The following DTWD1 variants were observed in gnomAD, a reference collection of about 807,000 sequenced individuals.
The protein encoded by DTWD1 is DTW motif tRNA-uridine aminocarboxypropyltransferase 1, also known as tRNA-uridine aminocarboxypropyltransferase 1.
A neutral mutation model predicts 30.2 loss-of-function variants in DTWD1; 27 were observed. The ratio of observed to expected loss-of-function variants is 0.90; its 90% CI spans 0.66 to 1.23. The LOEUF is 1.23. DTWD1 is among the 50% of genes most tolerant of loss of function. The pLI is 0.00. For missense variants in DTWD1, 342 were observed against 348.8 expected (o/e 0.98, Z 0.15); for synonymous variants, 99 against 113.1 (o/e 0.88, Z 0.79).
At chr15:49,642,399 T>C (rs2079075852) in intron 4 of DTWD1, among the ~76,000 whole-genome samples, 1 of 152,138 alleles carries the variant, frequency 6.6e-6, no homozygotes, top group Non-Finnish European at 1.5e-5. Context: ...TATTCCCTTT[T>C]TAAATGTACA....
At chr15:49,626,319 T>C (rs1413096516) in intron 2 of DTWD1, among the ~76,000 whole-genome samples, 1 of 152,104 alleles carries the variant, frequency 6.6e-6, no homozygotes. Flanking sequence ...GCAGATTTCA[T>C]TGACCAAAAT....
rs2079148982 is a variant in DTWD1 at position 49,650,916 on chromosome 15, G to A, written c.*7338G>A. 1 of 152,152 alleles carries A rather than the reference G, an allele frequency of 6.6e-6. No individual in the cohort carries two copies. Among genetic ancestry groups the A allele is most frequent in the African/African-American group, 2.4e-5 (1 of 41,438 alleles). 9.4% of individuals were successfully genotyped at this position (152,152 alleles called of 1,614,324 possible). The stretch of plus-strand genomic sequence containing the variant: ...CGACCTGTGGTAATTGTTAGTAGGA[G>A]TGATCTGAGCTGCCAATGAGAATCC... On this transcript the variant is annotated 3_prime_UTR_variant, in exon 5 of 5. Coordinates refer to ENST00000403028, the MANE Select transcript of DTWD1 (RefSeq NM_001144955.2).
At chr15:49,633,049 C>CTATATATATATAGATATATA in intron 3 of DTWD1, among the ~76,000 whole-genome samples, 1 of 117,316 alleles carries the variant, frequency 8.5e-6, no homozygotes, top group Non-Finnish European at 1.7e-5. Context: ...ATATCTATAT[C>CTATATATATATAGATATATA]TATATATATA....
rs572248218 is a variant in DTWD1, at chr15:49,654,538, G to C, written c.*10960G>C. On this transcript the variant is annotated 3_prime_UTR_variant, in exon 5 of 5. Coordinates refer to ENST00000403028, the MANE Select transcript of DTWD1 (RefSeq NM_001144955.2). The stretch of plus-strand genomic sequence containing the variant: ...GAGATATCCATATCTCTAGGGACAT[G>C]GTGAGTCCCTAGAGACACCACATGG... The C allele has an allele frequency of 1.1e-4, 16 of 152,070 alleles. 1 individual carries two copies. In the East Asian group the frequency reaches 2.7e-3, roughly 26 times the overall value. 9.4% of individuals were successfully genotyped at this position (152,070 alleles called of 1,614,324 possible).
At chr15:49,623,967 A>G (rs971520156) in intron 1 of DTWD1, among the ~76,000 whole-genome samples, 7 of 151,872 alleles carry the variant, frequency 4.6e-5, no homozygotes, top group Admixed American at 3.3e-4. Flanking sequence ...CCTTGGGTAC[A>G]TTTGGCAAGT....
At chr15:49,625,859 G>A (rs1057222006) in intron 2 of DTWD1, among the ~76,000 whole-genome samples, 5 of 152,036 alleles carry the variant, frequency 3.3e-5, no homozygotes, top group Non-Finnish European at 7.4e-5. Context: ...GACATGTTTG[G>A]CCATGTCAGG....
At position 49,634,605 on chromosome 15, in the gene DTWD1, A is replaced by T. The variant is rs1567740701; in HGVS notation, c.478A>T (p.Ile160Phe). ...TATTTCTTTTCATCTGCAAAAAAGG[A>T]TTCAAAATAATGTTAGAGGCAAAAA... ...KDISFHLQKRIQNNVRGKNDD... is the reference protein window; with the variant it reads ...KDISFHLQKRFQNNVRGKNDD... The change falls in exon 4 of 5, where the codon ATT becomes TTT. Residue 160 changes from isoleucine (I) to phenylalanine (F), a missense_variant. Transcript: ENST00000403028. The T allele has an allele frequency of 6.2e-7, 1 of 1,613,800 alleles. No individual in the cohort carries two copies.
chr15:49,646,781 A>C lies in DTWD1; in HGVS notation c.*3203A>C, dbSNP rs934593932. 6.6e-6 allele frequency: 1 copy of C among 152,178 alleles called. No homozygotes were observed. The highest frequency in any genetic ancestry group is 1.5e-5 in the Non-Finnish European group (1 of 68,056). The allele number at this position is 152,178 out of a possible 1,614,324, so 9.4% of individuals were successfully genotyped here. A position where few individuals can be genotyped will look rare whatever the true frequency, so the allele number is the denominator to read the frequency against. On this transcript the variant is annotated 3_prime_UTR_variant, in exon 5 of 5. Coordinates refer to ENST00000403028, the MANE Select transcript of DTWD1 (RefSeq NM_001144955.2). ...GAAACAGCAGCAAGTGCTACACAGTAATTTATCAGTTTGCATTTGCCTCCC... is the reference window on the plus strand; with the variant it reads ...GAAACAGCAGCAAGTGCTACACAGTCATTTATCAGTTTGCATTTGCCTCCC...
intron 1 of DTWD1, chr15:49,623,579 CT>C (rs1478469307): frequency 2.0e-5 from 3 of 152,182 alleles, no homozygotes; most frequent in Non-Finnish European, 4.4e-5. Context: ...AAGCTTGGAA[CT>C]TCCTTACCTG....
intron 4 of DTWD1, among the ~76,000 whole-genome samples, chr15:49,638,042 G>C (rs2079023610): frequency 6.6e-6 from 1 of 152,154 alleles, no homozygotes; most frequent in African/African-American, 2.4e-5. Flanking sequence ...AAGCCCTAAG[G>C]CTGTGCTCTT....
At chr15:49,639,447 A>T (rs1337890648) in intron 4 of DTWD1, among the ~76,000 whole-genome samples, 2 of 152,162 alleles carry the variant, frequency 1.3e-5, no homozygotes, top group African/African-American at 2.4e-5. Flanking sequence ...CTGTAGTCTT[A>T]GGTACTTGGG....
chr15:49,631,025 A>G, intron 2 of DTWD1: 1 of 443,238 alleles, frequency 2.3e-6, no homozygotes, highest in Non-Finnish European at 4.6e-6. Context: ...TTGCAGGAAA[A>G]CCAGCTCAGG....
chr15:49,622,451 G>A (rs1047855330), intron 1 of DTWD1, among the ~76,000 whole-genome samples: 4 of 152,112 alleles, frequency 2.6e-5, no homozygotes, highest in Non-Finnish European at 5.9e-5. Flanking sequence ...TTAATTTGGG[G>A]TGGAAATTGG....
At chr15:49,625,516 T>A in intron 2 of DTWD1, 85 bp downstream of exon 2, 1 of 1,229,438 alleles carries the variant, frequency 8.1e-7, no homozygotes, top group Non-Finnish European at 1.1e-6. Context: ...TTGATAAACT[T>A]AATAAATAAT....
At position 49,653,409 on chromosome 15, in the gene DTWD1, G is replaced by C. The variant is rs1282497187; in HGVS notation, c.*9831G>C. 6.6e-6 allele frequency: 1 copy of C among 152,094 alleles called. No individual in the cohort carries two copies. The highest frequency in any genetic ancestry group is 2.4e-5 in the African/African-American group (1 of 41,418). The allele number at this position is 152,094 out of a possible 1,614,324, so 9.4% of individuals were successfully genotyped here. A position where few individuals can be genotyped will look rare whatever the true frequency, so the allele number is the denominator to read the frequency against. Reference sequence around the variant, plus strand: ...GATTCTTTCCAGAGTGTCCAGAAAGGAATGCAGTTCAGCTAACATCTTGAT... The same window carrying C: ...GATTCTTTCCAGAGTGTCCAGAAAGCAATGCAGTTCAGCTAACATCTTGAT... On this transcript the variant is annotated 3_prime_UTR_variant, in exon 5 of 5. Coordinates refer to ENST00000403028, the MANE Select transcript of DTWD1 (RefSeq NM_001144955.2).
intron 1 of DTWD1, among the ~76,000 whole-genome samples, chr15:49,623,520 T>G (rs2078797535): frequency 1.3e-5 from 2 of 151,828 alleles, no homozygotes; most frequent in Admixed American, 1.3e-4. Context: ...CACCTTAACC[T>G]CCCAAATGCT....
intron 1 of DTWD1, among the ~76,000 whole-genome samples, chr15:49,622,876 T>C (rs2078785112): frequency 1.3e-5 from 2 of 152,206 alleles, no homozygotes; most frequent in Non-Finnish European, 2.9e-5. Flanking sequence ...TCTCTTTTAC[T>C]GTCTTACAGG....
rs2079163154 is a variant in DTWD1, at chr15:49,653,340, C to T, written c.*9762C>T. 1 of 152,114 alleles carries T rather than the reference C, an allele frequency of 6.6e-6. No individual in the cohort carries two copies. Among genetic ancestry groups the T allele is most frequent in the African/African-American group, 2.4e-5 (1 of 41,438 alleles). The allele number at this position is 152,114 out of a possible 1,614,324, so 9.4% of individuals were successfully genotyped here. On this transcript the variant is annotated 3_prime_UTR_variant, in exon 5 of 5. Transcript: ENST00000403028. ...CTTTACAGGTGAGTGATAGGAACCA[C>T]AAGCCCCAAGCAGCCTCTGGAAGCT...
rs566810969 is a variant in DTWD1, at chr15:49,632,358, C to G, written c.408+56C>G. 6.0e-6 allele frequency: 9 copies of G among 1,488,122 alleles called. No individual in the cohort carries two copies. In the East Asian group the frequency reaches 1.7e-4, roughly 28 times the overall value. The allele number at this position is 1,488,122 out of a possible 1,614,324, so 92.2% of individuals were successfully genotyped here. ...ATTGGATATAAAAATGAATTTTAAC[C>G]TCCATTGCCTTTCTGAACTTACTCA... On this transcript the variant is annotated intron_variant, in intron 3 of 4. Coordinates refer to ENST00000403028, the MANE Select transcript of DTWD1 (RefSeq NM_001144955.2).
Sources: allele counts gnomAD v4.1 joint callset (sites outside exome capture counted in the v4.1 genomes callset), GRCh38; gene constraint gnomAD v4.1.1; transcripts MANE v1.5; gene names NCBI Gene and HGNC (gene_info 2026-07-23, HGNC 2026-07-21).